Variants in AHI1 observed in about 807,000 individuals in gnomAD.
AHI1 encodes the protein jouberin.
Under a neutral mutation model 149.3 loss-of-function variants are expected in AHI1, and 123 were observed. The ratio of observed to expected loss-of-function variants is 0.82; its 90% confidence interval spans 0.71 to 0.96. AHI1 has a LOEUF of 0.96. Ranked by LOEUF, AHI1 falls within the 40% of genes least tolerant of loss-of-function variation. The pLI is 0.00. For missense variants in AHI1, 1,439 were observed against 1,422.7 expected (o/e 1.01, Z -0.18); for synonymous variants, 475 against 459.8 (o/e 1.03, Z -0.42).
chr6:135,477,648 G>A (rs1224804182), intron 5 of AHI1, among the ~76,000 whole-genome samples: 5 of 151,946 alleles, frequency 3.3e-5, no homozygotes, highest in South Asian at 2.1e-4. Context: ...TGTGTAGCAC[G>A]TCCTCCTTCG....
chr6:135,314,125 G>A (rs1264488924), intron 26 of AHI1, among the ~76,000 whole-genome samples: 1 of 152,206 alleles, frequency 6.6e-6, no homozygotes, highest in Non-Finnish European at 1.5e-5. Flanking sequence ...TTATGTTTAT[G>A]TTATGGACCT....
chr6:135,445,854 A>C (rs538829308), intron 13 of AHI1, among the ~76,000 whole-genome samples: 12 of 152,250 alleles, frequency 7.9e-5, no homozygotes, highest in Admixed American at 7.2e-4. Context: ...CAGGAGATCG[A>C]GACCATCCTG....
chr6:135,409,005 T>C (rs1182255640), intron 21 of AHI1, among the ~76,000 whole-genome samples: 1 of 152,170 alleles, frequency 6.6e-6, no homozygotes, highest in Non-Finnish European at 1.5e-5. Context: ...ACCTGGTTTA[T>C]GTGGTACTTT....
intron 26 of AHI1, chr6:135,305,283 C>G (rs1480684507): frequency 6.6e-6 from 1 of 152,196 alleles, no homozygotes; most frequent in Non-Finnish European, 1.5e-5. Flanking sequence ...ATCAAGTTTT[C>G]TTCAGAATGT....
chr6:135,300,729 A>G, intron 26 of AHI1, 171 bp from the exon 27 acceptor site: 1 of 1,220,138 alleles, frequency 8.2e-7, no homozygotes, highest in Non-Finnish European at 1.0e-6. Context: ...AGGACAATAT[A>G]TTTGCTCCCA....
At chr6:135,363,041 T>TA (rs1554294024) in intron 23 of AHI1, among the ~76,000 whole-genome samples, 63 of 148,598 alleles carry the variant, frequency 4.2e-4, no homozygotes, top group Non-Finnish European at 5.0e-4. Flanking sequence ...TTTATTTTAT[T>TA]TTATTATTAT....
intron 23 of AHI1, among the ~76,000 whole-genome samples, chr6:135,391,663 C>T (rs1778512488): frequency 6.6e-6 from 1 of 152,126 alleles, no homozygotes; most frequent in South Asian, 2.1e-4. Context: ...CTTTTCCAGT[C>T]AAACCAAGAC....
At chr6:135,452,337 CA>C in intron 11 of AHI1, among the ~76,000 whole-genome samples, 1 of 152,270 alleles carries the variant, frequency 6.6e-6, no homozygotes, top group South Asian at 2.1e-4. Context: ...AAGATAATTA[CA>C]AAATTAAAAT....
rs896564781 is a variant in AHI1 at position 135,405,031 on chromosome 6, CTG to C, written c.2962-56_2962-55del. The C allele has an allele frequency of 3.6e-5, 53 of 1,457,918 alleles. No homozygotes were observed. The African/African-American group carries it at 5.6e-4, about 15-fold the overall frequency. 90.3% of individuals were successfully genotyped at this position (1,457,918 alleles called of 1,614,324 possible). A position where few individuals can be genotyped will look rare whatever the true frequency, so the allele number is the denominator to read the frequency against. ...TATTCATAATTTCATTAAATATTGA[CTG>C]TTTGCAAAACACTCAGATGTTTATC... is the stretch of plus-strand genomic sequence containing the variant. On this transcript the variant is annotated intron_variant, in intron 21 of 28. Coordinates refer to ENST00000265602, the MANE Select transcript of AHI1 (RefSeq NM_001134831.2).
intron 20 of AHI1, among the ~76,000 whole-genome samples, chr6:135,426,376 C>T (rs1783915795): frequency 6.6e-6 from 1 of 151,682 alleles, no homozygotes; most frequent in Non-Finnish European, 1.5e-5. Flanking sequence ...ATATAATCCA[C>T]ACTGTGATCA....
chr6:135,351,876 G>A (rs975354054), intron 24 of AHI1, among the ~76,000 whole-genome samples: 1 of 152,084 alleles, frequency 6.6e-6, no homozygotes, highest in Non-Finnish European at 1.5e-5. Flanking sequence ...TTCCTGGATG[G>A]GGCCTTTGGA....
At chr6:135,432,891 A>G (rs1032010676) in intron 16 of AHI1, 136 bp downstream of exon 16, 4 of 641,804 alleles carry the variant, frequency 6.2e-6, no homozygotes, top group Non-Finnish European at 8.1e-6. Flanking sequence ...CATATCTATC[A>G]TATGACCTGC....
chr6:135,468,291 T>C (rs1389453403), intron 5 of AHI1, among the ~76,000 whole-genome samples: 1 of 151,184 alleles, frequency 6.6e-6, no homozygotes, highest in Non-Finnish European at 1.5e-5. Flanking sequence ...TAAAAATAAA[T>C]AAATAAGGAA....
chr6:135,306,231 T>C (rs6935146), intron 26 of AHI1, among the ~76,000 whole-genome samples: 96,880 of 152,056 alleles, frequency 0.64, 31,407 homozygotes, highest in African/African-American at 0.77. Flanking sequence ...TGGGGATCAC[T>C]GATTGAATAA....
At chr6:135,293,130 T>C (rs181327051) in intron 27 of AHI1, among the ~76,000 whole-genome samples, 2 of 151,936 alleles carry the variant, frequency 1.3e-5, no homozygotes, top group East Asian at 3.9e-4. Flanking sequence ...ATTAAGAAAT[T>C]TAAAAACAAA....
intron 5 of AHI1, among the ~76,000 whole-genome samples, chr6:135,476,495 C>G (rs1222661227): frequency 1.3e-5 from 2 of 151,694 alleles, no homozygotes; most frequent in African/African-American, 2.4e-5. Flanking sequence ...TAAAACTCAA[C>G]TCAAATTTGT....
At chr6:135,419,957 C>A (rs1414912722) in intron 20 of AHI1, among the ~76,000 whole-genome samples, 1 of 152,114 alleles carries the variant, frequency 6.6e-6, no homozygotes. Context: ...AGCGTCTTCA[C>A]CAGGAGTAGA....
intron 19 of AHI1, among the ~76,000 whole-genome samples, chr6:135,428,393 G>C (rs1488213293): frequency 2.0e-5 from 3 of 151,512 alleles, no homozygotes; most frequent in African/African-American, 7.3e-5. Flanking sequence ...AACAAACCTT[G>C]AATTATAATG....
intron 5 of AHI1, among the ~76,000 whole-genome samples, chr6:135,475,725 T>C (rs575352090): frequency 9.2e-5 from 14 of 152,174 alleles, no homozygotes; most frequent in Non-Finnish European, 1.8e-4. Context: ...CTGGGGGGTG[T>C]ACCTGAAAGC....
Sources: gnomAD v4.1 joint callset for allele counts (sites outside exome capture counted in the v4.1 genomes callset) on GRCh38, gnomAD v4.1.1 for gene constraint, MANE v1.5 for transcripts, NCBI Gene and HGNC (gene_info 2026-07-23, HGNC 2026-07-21) for gene names.